Variants in COL5A1 observed in about 807,000 individuals in gnomAD.
The protein encoded by COL5A1 is collagen alpha-1(V) chain.
Under a neutral mutation model 263.7 loss-of-function variants are expected in COL5A1, and 16 were observed. The ratio of observed to expected loss-of-function variants is 0.06; its 90% CI spans 0.04 to 0.09. The LOEUF is 0.09. Among genes scored for constraint, COL5A1 ranks in the 10% least tolerant of loss-of-function variants. The probability of loss-of-function intolerance (pLI) is 1.00; values close to 1 mark genes in which losing one functional copy is unlikely to be tolerated. For synonymous variants in COL5A1, 1,012 were observed against 1,004.5 expected (o/e 1.01, Z -0.14); for missense variants, 2,036 against 2,540.5 (o/e 0.80, Z 4.27).
intron 4 of COL5A1, among the ~76,000 whole-genome samples, chr9:134,721,445 A>C (rs141917791): frequency 2.0e-5 from 3 of 151,954 alleles, no homozygotes; most frequent in Non-Finnish European, 2.9e-5. Context: ...TCCCATCACT[A>C]TCTCGTCTCT....
intron 54 of COL5A1, 29 bp downstream of exon 54, chr9:134,817,860 C>T (rs369739684): frequency 3.1e-5 from 49 of 1,577,362 alleles, no homozygotes; most frequent in South Asian, 9.3e-5. Context: ...AGGCTGTGAC[C>T]GCGTAGACCT....
chr9:134,753,095 G>A (rs978550131), intron 14 of COL5A1, among the ~76,000 whole-genome samples: 1 of 145,794 alleles, frequency 6.9e-6, no homozygotes, highest in Non-Finnish European at 1.5e-5. Context: ...GGGGCCTGGG[G>A]AAGTCCCTCG....
intron 14 of COL5A1, among the ~76,000 whole-genome samples, chr9:134,752,890 G>A (rs1485233314): frequency 8.5e-5 from 13 of 152,126 alleles, no homozygotes; most frequent in Admixed American, 3.3e-4. Context: ...GGAGTTCAGC[G>A]GGGTAGAGCT....
intron 1 of COL5A1, among the ~76,000 whole-genome samples, chr9:134,688,418 C>T (rs1026072686): frequency 1.3e-5 from 2 of 152,216 alleles, no homozygotes; most frequent in African/African-American, 4.8e-5. Flanking sequence ...CGGCAGCTGG[C>T]GCATCCTCTC....
chr9:134,802,407 T>C (rs982257564), intron 38 of COL5A1, among the ~76,000 whole-genome samples: 3 of 152,180 alleles, frequency 2.0e-5, no homozygotes, highest in Non-Finnish European at 2.9e-5. Flanking sequence ...AGGGGCAGCT[T>C]AGAGCCAGGA....
At chr9:134,705,784 G>T (rs1231284267) in intron 4 of COL5A1, among the ~76,000 whole-genome samples, 1 of 152,180 alleles carries the variant, frequency 6.6e-6, no homozygotes, top group Non-Finnish European at 1.5e-5. Flanking sequence ...GCACTGTCAT[G>T]AGCTGTCCCT....
chr9:134,755,653 C>T lies in COL5A1; in HGVS notation c.1828-1112C>T, dbSNP rs567062277. On this transcript the variant is annotated intron_variant, in intron 16 of 65. Coordinates refer to ENST00000371817, the MANE Select transcript of COL5A1 (RefSeq NM_000093.5). The surrounding 1 kb of genome is among the most constrained non-coding windows in gnomAD (Gnocchi z 4.1). ...TGCTGTGAAATCCTGTGAAGTTTTCCGACAATCTTCCCTTGGTTTCTAAAA... is the reference window on the plus strand; with the variant it reads ...TGCTGTGAAATCCTGTGAAGTTTTCTGACAATCTTCCCTTGGTTTCTAAAA... Among the ~76,000 whole-genome samples, 5 of 152,306 alleles carry T rather than the reference C, an allele frequency of 3.3e-5. No homozygotes were observed. Among genetic ancestry groups the T allele is most frequent in the South Asian group, 2.1e-4 (1 of 4,826 alleles).
chr9:134,665,371 T>A (rs1409448286), intron 1 of COL5A1, among the ~76,000 whole-genome samples: 1 of 152,166 alleles, frequency 6.6e-6, no homozygotes, highest in Non-Finnish European at 1.5e-5. Flanking sequence ...GCACAGCAGC[T>A]AAGAAGATGA....
rs956010468 is a variant in COL5A1, at chr9:134,822,251, C to A, written c.4608+101C>A. The A allele has an allele frequency of 7.6e-6, 8 of 1,056,384 alleles. No individual in the cohort carries two copies. The African/African-American group carries it at 1.1e-4, about 15-fold the overall frequency. The allele number at this position is 1,056,384 out of a possible 1,614,324, so 65.4% of individuals were successfully genotyped here. On this transcript the variant is annotated intron_variant, in intron 59 of 65. Transcript: ENST00000371817. ...GAGCTAGAGAATTGTGGAAAAGTCA[C>A]ACGAGAAGCTGGAATTGGGGCCTCC...
Position 134,678,402 on chromosome 9 carries a change from G to T in COL5A1, c.110-12510G>T, listed in dbSNP as rs1331700981. ...CATGGTGCTCGGGTGCATGGATGGT[G>T]CCCAGGGTCCAGTCCCCCAACAACA... On this transcript the variant is annotated intron_variant, in intron 1 of 65. Coordinates refer to ENST00000371817, the MANE Select transcript of COL5A1 (RefSeq NM_000093.5). The surrounding 1 kb of genome is among the most constrained non-coding windows in gnomAD (Gnocchi z 5.5). Among the ~76,000 whole-genome samples, 1 of 152,204 alleles carries T rather than the reference G, an allele frequency of 6.6e-6. No homozygotes were observed. The highest frequency in any genetic ancestry group is 2.4e-5 in the African/African-American group (1 of 41,448).
intron 6 of COL5A1, among the ~76,000 whole-genome samples, chr9:134,729,968 G>T (rs1834817699): frequency 6.6e-6 from 1 of 152,212 alleles, no homozygotes. Flanking sequence ...CCCTTTTCTG[G>T]TGTGTAACTG....
chr9:134,827,324 T>G (rs887777155), intron 63 of COL5A1, among the ~76,000 whole-genome samples: 6 of 152,316 alleles, frequency 3.9e-5, no homozygotes, highest in Admixed American at 3.3e-4. Context: ...AGGCTGCACA[T>G]GGCTGGAGAT....
chr9:134,767,168 T>C, intron 23 of COL5A1, 115 bp downstream of exon 23: 1 of 1,416,556 alleles, frequency 7.1e-7, no homozygotes, highest in Non-Finnish European at 9.9e-7. Flanking sequence ...TAGCAGCCCC[T>C]CCCCTTATCT....
intron 43 of COL5A1, 45 bp downstream of exon 43, chr9:134,809,335 G>A (rs924075193): frequency 1.4e-6 from 2 of 1,447,512 alleles, no homozygotes; most frequent in African/African-American, 2.8e-5. Flanking sequence ...TGGCTGGGCA[G>A]ACGGGTGTGG....
chr9:134,657,897 G>A lies in COL5A1; in HGVS notation c.109+15601G>A, dbSNP rs148521661. On this transcript the variant is annotated intron_variant, in intron 1 of 65. Coordinates refer to ENST00000371817, the MANE Select transcript of COL5A1 (RefSeq NM_000093.5). ...AGATGAATAAGCTCAGACTTAGAAG[G>A]TGTGGGTTCCTGGTGTCACAGGCTG... Among the ~76,000 whole-genome samples, 6 of 152,046 alleles carry A rather than the reference G, an allele frequency of 3.9e-5. No individual in the cohort carries two copies. In the South Asian group the frequency reaches 6.2e-4, roughly 16 times the overall value.
chr9:134,827,737 A>C (rs541422267), intron 63 of COL5A1, among the ~76,000 whole-genome samples: 116 of 152,302 alleles, frequency 7.6e-4, no homozygotes, highest in African/African-American at 2.6e-3. Context: ...TGCTTGGCCA[A>C]GGGCAAGTGG....
At chr9:134,835,595 C>T (rs1033949617) in intron 65 of COL5A1, among the ~76,000 whole-genome samples, 1 of 152,220 alleles carries the variant, frequency 6.6e-6, no homozygotes, top group Non-Finnish European at 1.5e-5. Context: ...CTAAGCTGGG[C>T]CTGTTCCCGA....
At chr9:134,784,790 G>C (rs141771518) in intron 29 of COL5A1, among the ~76,000 whole-genome samples, 199 bp from the exon 30 acceptor site, 2 of 152,260 alleles carry the variant, frequency 1.3e-5, no homozygotes, top group Non-Finnish European at 2.9e-5. Flanking sequence ...CGGGAGCCCG[G>C]GAATTCGCGG....
At position 134,700,212 on chromosome 9, in the gene COL5A1, G is replaced by T; in HGVS notation, c.491+90G>T. 1 of 1,265,792 alleles carries T rather than the reference G, an allele frequency of 7.9e-7. No individual in the cohort carries two copies. Among genetic ancestry groups the T allele is most frequent in the Non-Finnish European group, 1.1e-6 (1 of 897,608 alleles). 78.4% of individuals were successfully genotyped at this position (1,265,792 alleles called of 1,614,324 possible). A position where few individuals can be genotyped will look rare whatever the true frequency, so the allele number is the denominator to read the frequency against. ...TGACCAGATGTGGGGCACAGTAGAG[G>T]ACGTGCAGCAGCCGGTACTGAGACT... On this transcript the variant is annotated intron_variant, in intron 3 of 65. Transcript: ENST00000371817. This position sits in a 1 kb window ranked among gnomAD's most constrained non-coding sequence, Gnocchi z 4.0.
Sources: allele counts gnomAD v4.1 joint callset (sites outside exome capture counted in the v4.1 genomes callset), GRCh38; gene constraint gnomAD v4.1.1; non-coding constraint Gnocchi (gnomAD v3.1); transcripts MANE v1.5; gene names NCBI Gene and HGNC (gene_info 2026-07-23, HGNC 2026-07-21).